TOM1L1: variants seen among roughly 807,000 people sequenced by gnomAD.
TOM1L1 encodes the protein target of myb1 like 1 membrane trafficking protein, also known as TOM1-like protein 1.
Under a neutral mutation model 63.4 loss-of-function variants are expected in TOM1L1, and 64 were observed. That is an observed-to-expected ratio of 1.01 (90% CI 0.83 to 1.24). The LOEUF (loss-of-function observed/expected upper bound fraction) is 1.24, where lower values mean the gene tolerates loss of function less well. TOM1L1 is among the 50% of genes most tolerant of loss of function. TOM1L1 has a pLI of 0.00. For missense variants in TOM1L1, 536 were observed against 567.0 expected (o/e 0.95, Z 0.55); for synonymous variants, 166 against 194.4 (o/e 0.85, Z 1.22).
At chr17:54,939,646 C>G (rs1234697627) in intron 11 of TOM1L1, among the ~76,000 whole-genome samples, 1 of 152,166 alleles carries the variant, frequency 6.6e-6, no homozygotes, top group Admixed American at 6.5e-5. Context: ...CAGCCTCAAA[C>G]TCCTGGGCCC....
At chr17:54,912,905 A>C (rs1377859580) in intron 4 of TOM1L1, 90 bp downstream of exon 4, 1 of 1,144,132 alleles carries the variant, frequency 8.7e-7, no homozygotes, top group Non-Finnish European at 1.1e-6. Context: ...TATCTTTTAT[A>C]TATCTAGGAT....
At chr17:54,918,665 G>C (rs2048631397) in intron 7 of TOM1L1, among the ~76,000 whole-genome samples, 1 of 152,200 alleles carries the variant, frequency 6.6e-6, no homozygotes, top group African/African-American at 2.4e-5. Context: ...TTCTCAGGAA[G>C]CAAGACAAGA....
intron 14 of TOM1L1, chr17:54,957,811 A>C (rs1365756470): frequency 6.6e-6 from 1 of 152,208 alleles, no homozygotes; most frequent in African/African-American, 2.4e-5. Context: ...GCCAGGGACT[A>C]TGACTGGACT....
intron 10 of TOM1L1, among the ~76,000 whole-genome samples, chr17:54,938,316 A>G (rs538994699): frequency 1.3e-5 from 2 of 152,172 alleles, no homozygotes; most frequent in South Asian, 2.1e-4. Context: ...CAACATGGCA[A>G]AGCCCTGTCT....
At chr17:54,946,099 A>G (rs1211103077) in intron 11 of TOM1L1, among the ~76,000 whole-genome samples, 1 of 152,138 alleles carries the variant, frequency 6.6e-6, no homozygotes, top group Non-Finnish European at 1.5e-5. Context: ...TGTCAGCTAC[A>G]TTTTCAAAGC....
intron 7 of TOM1L1, among the ~76,000 whole-genome samples, chr17:54,929,641 C>T (rs2048823538): frequency 6.6e-6 from 1 of 151,998 alleles, no homozygotes; most frequent in South Asian, 2.1e-4. Flanking sequence ...TTCCTCATTA[C>T]ACACATCTCA....
At chr17:54,947,440 G>A (rs2049138944) in intron 12 of TOM1L1, 128 bp downstream of exon 12, 2 of 1,047,812 alleles carry the variant, frequency 1.9e-6, no homozygotes, top group Non-Finnish European at 2.8e-6. Context: ...CTGTTAGCAA[G>A]ATGGTAAGGA....
Position 54,937,099 on chromosome 17 carries a change from T to C in TOM1L1, c.916-10T>C, listed in dbSNP as rs2143896261. 1 of 1,590,206 alleles carries C rather than the reference T, an allele frequency of 6.3e-7. No individual in the cohort carries two copies. The highest frequency in any genetic ancestry group is 2.2e-5 in the East Asian group (1 of 44,728). ...CATGACACTTTTTTTTTTTTTTGCTTTGTTTTCAGACTACCAGTGAGCCTT... is the reference window on the plus strand; with the variant it reads ...CATGACACTTTTTTTTTTTTTTGCTCTGTTTTCAGACTACCAGTGAGCCTT... On this transcript the variant is annotated splice_polypyrimidine_tract_variant and intron_variant, in intron 9 of 15. Coordinates refer to ENST00000575882, the MANE Select transcript of TOM1L1 (RefSeq NM_005486.3).
intron 7 of TOM1L1, among the ~76,000 whole-genome samples, chr17:54,927,121 A>G (rs937082669): frequency 6.6e-6 from 1 of 152,256 alleles, no homozygotes; most frequent in Admixed American, 6.5e-5. Flanking sequence ...AAGAGACTAT[A>G]TGAGCAAGTT....
intron 7 of TOM1L1, among the ~76,000 whole-genome samples, chr17:54,926,264 G>A (rs745874063): frequency 2.6e-5 from 4 of 152,152 alleles, no homozygotes; most frequent in South Asian, 2.1e-4. Flanking sequence ...GAAGTGGAAC[G>A]TGATGATTCT....
chr17:54,961,415 C>T lies in TOM1L1; in HGVS notation c.*182C>T. On this transcript the variant is annotated 3_prime_UTR_variant, in exon 16 of 16. Transcript: ENST00000575882. ...GTTCCAGGATAACACTGATTCCTGA[C>T]AACAGCGTGAGATTTCAACAGAACT... The T allele has an allele frequency of 1.3e-6, 2 of 1,528,342 alleles. No homozygotes were observed. Among genetic ancestry groups the T allele is most frequent in the Admixed American group, 4.3e-5 (2 of 46,646 alleles). 94.7% of individuals were successfully genotyped at this position (1,528,342 alleles called of 1,614,324 possible). A position where few individuals can be genotyped will look rare whatever the true frequency, so the allele number is the denominator to read the frequency against.
intron 8 of TOM1L1, among the ~76,000 whole-genome samples, chr17:54,932,881 T>C (rs947238393): frequency 6.6e-6 from 1 of 152,204 alleles, no homozygotes; most frequent in Non-Finnish European, 1.5e-5. Flanking sequence ...TTGCAAACCA[T>C]GAGACCATTG....
intron 14 of TOM1L1, chr17:54,956,995 G>A (rs1435576133): frequency 6.6e-6 from 1 of 152,228 alleles, no homozygotes; most frequent in Non-Finnish European, 1.5e-5. Context: ...AATGAGGAAA[G>A]TACACTGGGA....
intron 14 of TOM1L1, chr17:54,959,227 T>G (rs1044710757): frequency 5.9e-5 from 9 of 152,182 alleles, no homozygotes; most frequent in Non-Finnish European, 8.8e-5. Flanking sequence ...ATTTTTGAGA[T>G]TTTTCCTCAG....
chr17:54,915,539 CAA>C (rs763301109), intron 6 of TOM1L1, among the ~76,000 whole-genome samples: 9 of 151,986 alleles, frequency 5.9e-5, no homozygotes, highest in Non-Finnish European at 2.9e-5. Context: ...GGGTTTATTA[CAA>C]GAGATCTCAA....
intron 1 of TOM1L1, among the ~76,000 whole-genome samples, chr17:54,902,635 G>T (rs2048346228): frequency 6.6e-6 from 1 of 152,176 alleles, no homozygotes; most frequent in African/African-American, 2.4e-5. Context: ...AAACTTTGGG[G>T]TTCCCCCAAG....
chr17:54,934,362 T>G (rs1299896031), intron 8 of TOM1L1, among the ~76,000 whole-genome samples: 1 of 152,228 alleles, frequency 6.6e-6, no homozygotes, highest in Non-Finnish European at 1.5e-5. Context: ...AGATTTATTT[T>G]CCTTTAACAC....
At chr17:54,930,562 G>A (rs960260786) in intron 8 of TOM1L1, among the ~76,000 whole-genome samples, 4 of 151,950 alleles carry the variant, frequency 2.6e-5, no homozygotes, top group Admixed American at 6.6e-5. Context: ...AAATAAGGCC[G>A]GACACGGTGG....
intron 7 of TOM1L1, chr17:54,916,759 A>G (rs1423485969): frequency 1.3e-5 from 2 of 152,128 alleles, no homozygotes; most frequent in South Asian, 4.1e-4. Context: ...AATTTTCCCA[A>G]CAATGTTTCT....
Sources: allele counts gnomAD v4.1 joint callset (sites outside exome capture counted in the v4.1 genomes callset), GRCh38; gene constraint gnomAD v4.1.1; transcripts MANE v1.5; gene names NCBI Gene and HGNC (gene_info 2026-07-23, HGNC 2026-07-21).